The following ANKRD12 variants were observed in gnomAD, a reference collection of about 807,000 sequenced individuals.
ANKRD12 encodes ankyrin repeat domain-containing protein 12.
Under a neutral mutation model 183.4 loss-of-function variants are expected in ANKRD12, and 85 were observed. That is an observed-to-expected ratio of 0.46 (90% CI 0.39 to 0.56). The LOEUF (loss-of-function observed/expected upper bound fraction) is 0.56. Ranked by LOEUF, ANKRD12 falls within the 20% of genes least tolerant of loss-of-function variation. The pLI, the probability that ANKRD12 is intolerant of heterozygous loss-of-function variation, is 0.00. For synonymous variants in ANKRD12, 914 were observed against 800.2 expected (o/e 1.14, Z -2.40); for missense variants, 2,405 against 2,357.1 (o/e 1.02, Z -0.42).
At chr18:9,238,322 T>TA (rs776645927) in intron 8 of ANKRD12, among the ~76,000 whole-genome samples, 4 of 152,190 alleles carry the variant, frequency 2.6e-5, no homozygotes, top group Admixed American at 6.5e-5. Context: ...CACCCACACT[T>TA]AGAGTTTTTA....
At chr18:9,179,807 C>A (rs953596727) in intron 1 of ANKRD12, among the ~76,000 whole-genome samples, 5 of 152,208 alleles carry the variant, frequency 3.3e-5, no homozygotes, top group African/African-American at 1.2e-4. Flanking sequence ...TGTGAGCTCC[C>A]ATACTTGGCC....
chr18:9,191,161 T>C (rs376452915), intron 2 of ANKRD12, among the ~76,000 whole-genome samples: 11 of 152,176 alleles, frequency 7.2e-5, no homozygotes, highest in African/African-American at 2.7e-4. Flanking sequence ...ATTGGGAAAA[T>C]AATGTTAAAT....
chr18:9,195,825 T>C, intron 3 of ANKRD12, 127 bp downstream of exon 3: 1 of 908,356 alleles, frequency 1.1e-6, no homozygotes, highest in Non-Finnish European at 1.5e-6. Context: ...TATTTCAGAT[T>C]TATCATTTTG....
At chr18:9,245,699 AAC>A (rs1279227507) in intron 8 of ANKRD12, among the ~76,000 whole-genome samples, 2 of 152,316 alleles carry the variant, frequency 1.3e-5, no homozygotes, top group Non-Finnish European at 1.5e-5. Context: ...AAAACTCATA[AAC>A]ACTTATGTAA....
chr18:9,201,221 G>A (rs934751191), intron 3 of ANKRD12, among the ~76,000 whole-genome samples: 1 of 152,162 alleles, frequency 6.6e-6, no homozygotes, highest in Non-Finnish European at 1.5e-5. Flanking sequence ...ATCAGTAACT[G>A]ATAACTTTTG....
In ANKRD12 at chr18:9,263,999, GA is replaced by G. The variant is rs950736245; in HGVS notation, c.5763+112del. On this transcript the variant is annotated intron_variant, in intron 10 of 12. Coordinates refer to ENST00000262126, the MANE Select transcript of ANKRD12 (RefSeq NM_015208.5). ...GATTTTTAAAATTTAGAACCATTTT[GA>G]GAAGTGATTTGGTTTTATCTTGTGT... is the stretch of plus-strand genomic sequence containing the variant. The G allele has an allele frequency of 9.9e-6, 10 of 1,012,336 alleles. No individual in the cohort carries two copies. In the Admixed American group the frequency reaches 3.9e-4, roughly 40 times the overall value. The allele number at this position is 1,012,336 out of a possible 1,614,324, so 62.7% of individuals were successfully genotyped here.
At chr18:9,185,898 G>C (rs1418550704) in intron 2 of ANKRD12, among the ~76,000 whole-genome samples, 2 of 152,146 alleles carry the variant, frequency 1.3e-5, no homozygotes, top group Non-Finnish European at 2.9e-5. Context: ...GTGGAGATGT[G>C]GGGACAGAAT....
In ANKRD12 at chr18:9,182,479, A is replaced by T; in HGVS notation, c.47A>T (p.Asp16Val). 2 of 1,611,512 alleles carry T rather than the reference A, an allele frequency of 1.2e-6. No individual in the cohort carries two copies. Among genetic ancestry groups the T allele is most frequent in the Non-Finnish European group, 1.7e-6 (2 of 1,178,640 alleles). ...FTKPIQSENS[D>V]SDSNMVEKPY... is the part of the protein sequence containing the mutation. ...AAACCAATTCAGAGTGAAAATTCTG[A>T]CAGTGACAGCAATATGGTAGAGAAA... Residue 16 changes from aspartate to valine, a missense_variant, in exon 2 of 13, where the codon GAC (aspartate) becomes GTC (valine). Physicochemically the swap from Asp to Val is radical, Grantham distance 152. Around this residue, in one of 7 missense-constraint regions of ANKRD12, gnomAD observed 145 missense variants for 145.6 expected, o/e 1.00. Transcript: ENST00000262126.
intron 1 of ANKRD12, among the ~76,000 whole-genome samples, chr18:9,150,317 C>T (rs1289704528): frequency 6.6e-6 from 1 of 152,118 alleles, no homozygotes; most frequent in Non-Finnish European, 1.5e-5. Flanking sequence ...ACTCCGTTAC[C>T]TGCCATCTCA....
chr18:9,245,811 ATAGAAG>A (rs2037929634), intron 8 of ANKRD12, among the ~76,000 whole-genome samples: 1 of 152,196 alleles, frequency 6.6e-6, no homozygotes. Flanking sequence ...TGAAATAAAG[ATAGAAG>A]TAGAAGATAT....
At chr18:9,244,349 G>T (rs2037830569) in intron 8 of ANKRD12, among the ~76,000 whole-genome samples, 1 of 151,990 alleles carries the variant, frequency 6.6e-6, no homozygotes, top group South Asian at 2.1e-4. Flanking sequence ...AAACAACATG[G>T]AGACTTAACT....
At position 9,258,929 on chromosome 18, in the gene ANKRD12, A is replaced by C; in HGVS notation, c.5662A>C (p.Thr1888Pro). The change falls in exon 9 of 13, where the codon ACA becomes CCA. Residue 1888 changes from threonine to proline, a missense_variant and splice_region_variant. Physicochemically the swap from Thr to Pro is conservative, Grantham distance 38 (BLOSUM62 -1). Transcript: ENST00000262126. Reference sequence around the variant, plus strand: ...CCCCTTAAGCAAGATTTGTATTCCCACAGTAAGTAACATCATCACTTGCTA... The same window carrying C: ...CCCCTTAAGCAAGATTTGTATTCCCCCAGTAAGTAACATCATCACTTGCTA... ...GNPLSKICIP[T>P]ITPPPSLSDP... The C allele has an allele frequency of 6.3e-7, 1 of 1,597,176 alleles. No homozygotes were observed. The highest frequency in any genetic ancestry group is 8.5e-7 in the Non-Finnish European group (1 of 1,171,404).
chr18:9,149,515 G>A (rs186761463), intron 1 of ANKRD12, among the ~76,000 whole-genome samples: 18 of 152,212 alleles, frequency 1.2e-4, no homozygotes, highest in Admixed American at 8.5e-4. Context: ...TTTAAAATGA[G>A]GAAACTGAAA....
In ANKRD12 at chr18:9,176,213, A is replaced by G. The variant is rs145158195; in HGVS notation, c.-51-6169A>G. On this transcript the variant is annotated intron_variant, in intron 1 of 12. Transcript: ENST00000262126. ...TTTGTTTGCCTAATATCTTTGAATGATAGAAAATTTTAGTTTTGGTTATAA... is the reference window on the plus strand; with the variant it reads ...TTTGTTTGCCTAATATCTTTGAATGGTAGAAAATTTTAGTTTTGGTTATAA... Among the ~76,000 whole-genome samples, 341 of 152,352 alleles carry G rather than the reference A, an allele frequency of 2.2e-3. 2 individuals carry two copies. Among genetic ancestry groups the G allele is most frequent in the South Asian group, 7.9e-3 (38 of 4,826 alleles).
intron 2 of ANKRD12, among the ~76,000 whole-genome samples, chr18:9,191,893 C>G (rs1228258941): frequency 6.6e-6 from 1 of 152,152 alleles, no homozygotes; most frequent in African/African-American, 2.4e-5. Flanking sequence ...CTCCCATACC[C>G]CAGAACCCAC....
At chr18:9,249,124 T>A (rs1342582103) in intron 8 of ANKRD12, among the ~76,000 whole-genome samples, 1 of 152,086 alleles carries the variant, frequency 6.6e-6, no homozygotes, top group Non-Finnish European at 1.5e-5. Flanking sequence ...TCTGTGTAGA[T>A]CACAGGCTTA....
intron 1 of ANKRD12, among the ~76,000 whole-genome samples, chr18:9,180,877 C>G (rs1028210338): frequency 6.6e-6 from 1 of 152,182 alleles, no homozygotes; most frequent in South Asian, 2.1e-4. Context: ...TTTGCTTCAT[C>G]TACAAAGGAG....
At chr18:9,175,042 C>T (rs1431977153) in intron 1 of ANKRD12, among the ~76,000 whole-genome samples, 1 of 152,006 alleles carries the variant, frequency 6.6e-6, no homozygotes, top group African/African-American at 2.4e-5. Flanking sequence ...GCAACCTCCA[C>T]CACCCAGATT....
chr18:9,168,573 T>C (rs1055616227), intron 1 of ANKRD12, among the ~76,000 whole-genome samples: 5 of 152,332 alleles, frequency 3.3e-5, no homozygotes, highest in South Asian at 2.1e-4. Flanking sequence ...GTATCCCCTT[T>C]GTCATTTTTT....
Sources: allele counts gnomAD v4.1 joint callset (sites outside exome capture counted in the v4.1 genomes callset), GRCh38; gene constraint gnomAD v4.1.1; regional missense constraint gnomAD v4.1.1; transcripts MANE v1.5; gene names NCBI Gene and HGNC (gene_info 2026-07-23, HGNC 2026-07-21).